The following METTL21C variants were observed in gnomAD, a reference collection of about 807,000 sequenced individuals.
The protein encoded by METTL21C is protein-lysine methyltransferase METTL21C.
In METTL21C, 21 loss-of-function variants were observed where a neutral mutation model predicts 25.9. The ratio of observed to expected loss-of-function variants is 0.81; its 90% CI spans 0.58 to 1.17. The LOEUF (loss-of-function observed/expected upper bound fraction) is 1.17. METTL21C is among the 50% of genes most tolerant of loss of function. The pLI, the probability that METTL21C is intolerant of heterozygous loss-of-function variation, is 0.00. For missense variants in METTL21C, 312 were observed against 315.1 expected (o/e 0.99, Z 0.07); for synonymous variants, 125 against 124.7 (o/e 1.00, Z -0.01).
intron 1 of METTL21C, among the ~76,000 whole-genome samples, chr13:102,693,500 A>T (rs1772355791): frequency 6.6e-6 from 1 of 151,996 alleles, no homozygotes; most frequent in Admixed American, 6.6e-5. Context: ...CCATCTGGGG[A>T]CTTATTTTTC....
chr13:102,703,711 C>A, the METTL21C span, among the ~76,000 whole-genome samples: 1 of 152,278 alleles, frequency 6.6e-6, no homozygotes, highest in East Asian at 1.9e-4. Flanking sequence ...ATATATAATT[C>A]AAAATCTAAG....
the METTL21C span, among the ~76,000 whole-genome samples, chr13:102,703,252 G>A: frequency 1.4e-4 from 22 of 152,118 alleles, no homozygotes; most frequent in Admixed American, 1.4e-3. Flanking sequence ...GCTCTCTTCT[G>A]CTCCTTCCTC....
intron 1 of METTL21C, among the ~76,000 whole-genome samples, chr13:102,691,354 T>A (rs1404889303): frequency 6.6e-6 from 1 of 152,030 alleles, no homozygotes; most frequent in Non-Finnish European, 1.5e-5. Flanking sequence ...CTGCCTTTTT[T>A]TTTTTTTCTT....
At chr13:102,696,926 G>A (rs766756628), upstream of METTL21C, among the ~76,000 whole-genome samples, 2 of 152,146 alleles carry the variant, frequency 1.3e-5, no homozygotes, top group Non-Finnish European at 2.9e-5. Flanking sequence ...GGGGGGCAGG[G>A]CAGGGAGGGA....
At chr13:102,690,563 T>C (rs528372793) in intron 2 of METTL21C, among the ~76,000 whole-genome samples, 2 of 152,246 alleles carry the variant, frequency 1.3e-5, no homozygotes, top group African/African-American at 4.8e-5. Flanking sequence ...CTTCCTCATA[T>C]AGCTGAGTTT....
Position 102,694,389 on chromosome 13 carries a change from C to T in METTL21C, c.110G>A (p.Ser37Asn). Residue 37 changes from serine to asparagine, a missense_variant, in exon 1 of 4, where the codon AGC (serine) becomes AAC (asparagine). Physicochemically the swap from Ser to Asn is conservative, Grantham distance 46. Transcript: ENST00000267273. ...GTTACCTTCTAGGACTCCCCCGGTGCTGTCTTTCTGCGGAGCCCCCTTCTT... is the reference window on the plus strand; with the variant it reads ...GTTACCTTCTAGGACTCCCCCGGTGTTGTCTTTCTGCGGAGCCCCCTTCTT... ...AEKKGAPQKD[S>N]TGGVLEESNK... 6.5e-7 allele frequency: 1 copy of T among 1,546,986 alleles called. No homozygotes were observed. Among genetic ancestry groups the T allele is most frequent in the Non-Finnish European group, 8.7e-7 (1 of 1,152,766 alleles).
intron 2 of METTL21C, among the ~76,000 whole-genome samples, chr13:102,688,605 AGAAGG>A (rs1406738135): frequency 6.6e-6 from 1 of 152,220 alleles, no homozygotes; most frequent in African/African-American, 2.4e-5. Context: ...TCCAGAGCTT[AGAAGG>A]GAAGTTTTGA....
chr13:102,695,344 A>G (rs1434331032), upstream of METTL21C, among the ~76,000 whole-genome samples: 5 of 152,204 alleles, frequency 3.3e-5, no homozygotes, highest in Non-Finnish European at 5.9e-5. Context: ...TCTTCCAAGA[A>G]AAAGTAAGCC....
chr13:102,690,853 T>C lies in METTL21C; in HGVS notation c.242A>G (p.Gln81Arg). ...CGCTCCGTAACTCTCTATGGATTCCTGGATGACAATCTCCTTTCCTGCAAA... is the reference window on the plus strand; with the variant it reads ...CGCTCCGTAACTCTCTATGGATTCCCGGATGACAATCTCCTTTCCTGCAAA... Reference protein sequence around the residue: ...YRFAGKEIVIQESIESYGAVV... With the variant: ...YRFAGKEIVIRESIESYGAVV... The change falls in exon 2 of 4, where the codon CAG (glutamine) becomes CGG (arginine). Residue 81 changes from glutamine (Q) to arginine (R), a missense_variant. Transcript: ENST00000267273. 6.2e-7 allele frequency: 1 copy of C among 1,614,186 alleles called. No homozygotes were observed. Among genetic ancestry groups the C allele is most frequent in the Non-Finnish European group, 8.5e-7 (1 of 1,180,024 alleles).
the METTL21C span, among the ~76,000 whole-genome samples, chr13:102,701,985 T>A: frequency 4.2e-3 from 645 of 151,958 alleles, 4 homozygotes; most frequent in African/African-American, 0.015. Context: ...AACAACATGG[T>A]GAAACTCGTC....
At chr13:102,701,480 C>G in the METTL21C span, among the ~76,000 whole-genome samples, 1 of 152,230 alleles carries the variant, frequency 6.6e-6, no homozygotes, top group Non-Finnish European at 1.5e-5. Flanking sequence ...GCCTCCATAG[C>G]TGCACCTTCT....
Position 102,686,242 on chromosome 13 carries a change from A to G in METTL21C, c.584T>C (p.Val195Ala). 1 of 1,614,244 alleles carries G rather than the reference A, an allele frequency of 6.2e-7. No homozygotes were observed. Among genetic ancestry groups the G allele is most frequent in the Non-Finnish European group, 8.5e-7 (1 of 1,180,038 alleles). Reference protein sequence around the residue: ...FYYDYVLASDVVYHHYFLDKL... With the variant: ...FYYDYVLASDAVYHHYFLDKL... ...GTCCAGGAAGTAGTGATGGTAGACC[A>G]CATCTGAGGCTAGGACGTAATCATA... The change falls in exon 4 of 4, where the codon GTG (valine) becomes GCG (alanine). Residue 195 changes from valine (V) to alanine (A), a missense_variant. Physicochemically the swap from Val to Ala is moderately conservative, Grantham distance 64. Coordinates refer to ENST00000267273, the MANE Select transcript of METTL21C (RefSeq NM_001010977.3).
upstream of METTL21C, among the ~76,000 whole-genome samples, chr13:102,699,062 T>C (rs1403664238): frequency 6.6e-6 from 1 of 152,166 alleles, no homozygotes; most frequent in Non-Finnish European, 1.5e-5. Context: ...AGGGCTGGGT[T>C]GTGGGAAGCC....
intron 2 of METTL21C, among the ~76,000 whole-genome samples, chr13:102,690,466 T>G (rs1007904489): frequency 3.6e-4 from 55 of 151,658 alleles, no homozygotes; most frequent in Admixed American, 1.1e-3. Context: ...TGAGGGTCGA[T>G]GGGCGTGGCT....
chr13:102,697,304 G>A (rs1485300753), upstream of METTL21C, among the ~76,000 whole-genome samples: 1 of 152,154 alleles, frequency 6.6e-6, no homozygotes, highest in South Asian at 2.1e-4. Context: ...CTCTTGCCAA[G>A]GGGACATTCA....
rs770817074 is a variant in METTL21C at position 102,686,424 on chromosome 13, T to A, written c.402A>T (p.Gly134=). The A allele has an allele frequency of 6.9e-6, 11 of 1,603,646 alleles. No individual in the cohort carries two copies. In the Admixed American group the frequency reaches 1.9e-4, roughly 28 times the overall value. The part of the protein sequence containing the change: ...GLVSIVASIL[G]AQVTATDLPD... ...GCAAATCTGTTGCTGTGACTTGAGC[T>A]CCTAAGAGAAAAAGAAAACAATGAC... is the stretch of plus-strand genomic sequence containing the variant. Residue 134 remains glycine, a splice_region_variant and synonymous_variant, in exon 4 of 4, where the codon GGA becomes GGT. Transcript: ENST00000267273.
chr13:102,697,117 C>G (rs1275847741), upstream of METTL21C, among the ~76,000 whole-genome samples: 1 of 152,100 alleles, frequency 6.6e-6, no homozygotes, highest in Non-Finnish European at 1.5e-5. Flanking sequence ...TCCCAAGAAG[C>G]CTACATAATG....
At chr13:102,696,926 G>T (rs766756628), upstream of METTL21C, among the ~76,000 whole-genome samples, 7 of 152,146 alleles carry the variant, frequency 4.6e-5, no homozygotes, top group Non-Finnish European at 7.4e-5. Flanking sequence ...GGGGGGCAGG[G>T]CAGGGAGGGA....
At chr13:102,686,660 C>G (rs549187590) in intron 3 of METTL21C, among the ~76,000 whole-genome samples, 96 of 152,288 alleles carry the variant, frequency 6.3e-4, no homozygotes, top group Non-Finnish European at 1.3e-3. Flanking sequence ...GTAGCTCCCC[C>G]ACCTCACCTC....
Sources: allele counts gnomAD v4.1 joint callset (sites outside exome capture counted in the v4.1 genomes callset), GRCh38; gene constraint gnomAD v4.1.1; transcripts MANE v1.5; gene names NCBI Gene and HGNC (gene_info 2026-07-23, HGNC 2026-07-21).